Variants in FNDC3B observed in about 807,000 individuals in gnomAD.
The protein encoded by FNDC3B is fibronectin type III domain containing 3B.
FNDC3B carries 12 observed loss-of-function variants against 151.5 expected under a neutral mutation model. The observed-to-expected ratio is 0.08, with a 90% CI of 0.05 to 0.13. FNDC3B has a LOEUF of 0.13. Among genes scored for constraint, FNDC3B ranks in the 10% least tolerant of loss-of-function variants. The pLI, the probability that FNDC3B is intolerant of heterozygous loss-of-function variation, is 1.00. For missense variants in FNDC3B, 1,214 were observed against 1,505.3 expected (o/e 0.81, Z 3.20); for synonymous variants, 528 against 549.0 (o/e 0.96, Z 0.54).
At chr3:172,217,378 G>T (rs1488128385) in intron 3 of FNDC3B, among the ~76,000 whole-genome samples, 1 of 152,186 alleles carries the variant, frequency 6.6e-6, no homozygotes, top group Non-Finnish European at 1.5e-5. Flanking sequence ...CCAACTTTCT[G>T]TACCATTCAT....
At chr3:172,366,094 T>TA (rs1425767883) in intron 23 of FNDC3B, among the ~76,000 whole-genome samples, 44 of 152,254 alleles carry the variant, frequency 2.9e-4, no homozygotes, top group Admixed American at 2.7e-3. Context: ...CTGCTATTCA[T>TA]AAAAAAATAA....
At position 172,079,477 on chromosome 3, in the gene FNDC3B, G is replaced by T. The variant is rs116040322; in HGVS notation, c.-28-32975G>T. 1.1e-3 allele frequency among the ~76,000 whole-genome samples: 164 copies of T among 152,306 alleles called. 1 individual carries two copies. Among genetic ancestry groups the T allele is most frequent in the African/African-American group, 3.7e-3 (154 of 41,558 alleles). On this transcript the variant is annotated intron_variant, in intron 1 of 25. Coordinates refer to ENST00000415807, the MANE Select transcript of FNDC3B (RefSeq NM_022763.4). ...GAATTGGACAGATACAGACCCAAAAGACTTCAGATAATTGGAAAGAAATTT... is the reference window on the plus strand; with the variant it reads ...GAATTGGACAGATACAGACCCAAAATACTTCAGATAATTGGAAAGAAATTT...
At chr3:172,259,612 C>T (rs971258335) in intron 6 of FNDC3B, among the ~76,000 whole-genome samples, 1 of 152,060 alleles carries the variant, frequency 6.6e-6, no homozygotes, top group African/African-American at 2.4e-5. Flanking sequence ...TGATTTTTTT[C>T]CCTCTTACTG....
chr3:172,209,833 A>G (rs1239909633), intron 3 of FNDC3B, among the ~76,000 whole-genome samples: 1 of 152,214 alleles, frequency 6.6e-6, no homozygotes, highest in Non-Finnish European at 1.5e-5. Flanking sequence ...GCAGGCCCGC[A>G]CTGAACTGCC....
chr3:172,079,515 A>G (rs1718178486), intron 1 of FNDC3B, among the ~76,000 whole-genome samples: 1 of 152,242 alleles, frequency 6.6e-6, no homozygotes, highest in African/African-American at 2.4e-5. Flanking sequence ...CAACCAGGGC[A>G]TTTCTGCCAT....
At chr3:172,343,880 T>C (rs1160489339) in intron 18 of FNDC3B, among the ~76,000 whole-genome samples, 4 of 152,248 alleles carry the variant, frequency 2.6e-5, no homozygotes, top group African/African-American at 9.6e-5. Context: ...TAAACTTCAG[T>C]GGACCCGCTT....
intron 1 of FNDC3B, among the ~76,000 whole-genome samples, chr3:172,105,927 C>G (rs1719623981): frequency 1.3e-5 from 2 of 152,180 alleles, no homozygotes; most frequent in African/African-American, 4.8e-5. Context: ...AAGCATGTAG[C>G]AAGCAAAATG....
chr3:172,246,205 A>G (rs2108769093), intron 4 of FNDC3B, among the ~76,000 whole-genome samples: 2 of 151,970 alleles, frequency 1.3e-5, no homozygotes, highest in East Asian at 3.9e-4. Context: ...TTTTTTGTAA[A>G]ACAAAACTTC....
intron 3 of FNDC3B, among the ~76,000 whole-genome samples, chr3:172,180,622 C>T (rs1723840795): frequency 6.6e-6 from 1 of 152,098 alleles, no homozygotes; most frequent in African/African-American, 2.4e-5. Flanking sequence ...ATTTTGGCAA[C>T]TGATTAGATA....
At chr3:172,199,108 T>A (rs1409059270) in intron 3 of FNDC3B, among the ~76,000 whole-genome samples, 4 of 148,908 alleles carry the variant, frequency 2.7e-5, no homozygotes, top group Non-Finnish European at 4.5e-5. Flanking sequence ...GGATTATAGG[T>A]GTAAGCCACC....
intron 23 of FNDC3B, among the ~76,000 whole-genome samples, chr3:172,373,942 A>G (rs1319898182): frequency 6.6e-6 from 1 of 152,250 alleles, no homozygotes; most frequent in Non-Finnish European, 1.5e-5. Context: ...AGCAAGGGGA[A>G]CCAGACATTA....
chr3:172,251,386 C>T lies in FNDC3B; in HGVS notation c.635C>T (p.Ser212Phe). 6.2e-7 allele frequency: 1 copy of T among 1,614,108 alleles called. No homozygotes were observed. The highest frequency in any genetic ancestry group is 8.5e-7 in the Non-Finnish European group (1 of 1,180,014). ...RQNRLNSPPS[S>F]IYKSSCTTVY... Reference sequence around the variant, plus strand: ...AACCGCCTCAACAGCCCTCCTTCTTCTATCTACAAAAGCAGCTGCACAACA... The same window carrying T: ...AACCGCCTCAACAGCCCTCCTTCTTTTATCTACAAAAGCAGCTGCACAACA... Residue 212 changes from serine (S) to phenylalanine (F), a missense_variant, in exon 6 of 26, where the codon TCT becomes TTT. Coordinates refer to ENST00000415807, the MANE Select transcript of FNDC3B (RefSeq NM_022763.4).
chr3:172,208,789 G>A (rs1384168269), intron 3 of FNDC3B, among the ~76,000 whole-genome samples: 4 of 152,046 alleles, frequency 2.6e-5, no homozygotes, highest in Admixed American at 6.6e-5. Flanking sequence ...GTCACGGAGC[G>A]GCGAGGGGTG....
chr3:172,248,254 G>C (rs1256402807), intron 5 of FNDC3B, among the ~76,000 whole-genome samples: 1 of 152,090 alleles, frequency 6.6e-6, no homozygotes. Flanking sequence ...TTCCTAAAAG[G>C]CTCTATGTTG....
At chr3:172,140,358 ATTGGATTTACATGAAAT>A (rs1721564024) in intron 3 of FNDC3B, among the ~76,000 whole-genome samples, 1 of 152,144 alleles carries the variant, frequency 6.6e-6, no homozygotes, top group South Asian at 2.1e-4. Flanking sequence ...ATTTTCCATG[ATTGGATTTACATGAAAT>A]TTGGAGAAAG....
intron 25 of FNDC3B, among the ~76,000 whole-genome samples, chr3:172,390,210 T>TTG (rs1202848287): frequency 6.6e-6 from 1 of 152,202 alleles, no homozygotes; most frequent in East Asian, 1.9e-4. Flanking sequence ...AATGTTAACA[T>TTG]TGTGTTGGCA....
At chr3:172,224,999 G>A (rs955531837) in intron 3 of FNDC3B, among the ~76,000 whole-genome samples, 1 of 152,204 alleles carries the variant, frequency 6.6e-6, no homozygotes, top group African/African-American at 2.4e-5. Flanking sequence ...AGTTGATTTT[G>A]ATGTAACAAC....
chr3:172,324,607 G>A (rs1047060448), intron 11 of FNDC3B, among the ~76,000 whole-genome samples: 1 of 152,210 alleles, frequency 6.6e-6, no homozygotes, highest in African/African-American at 2.4e-5. Flanking sequence ...GGTCTGAGCT[G>A]CAGAAACAAG....
chr3:172,167,450 C>T (rs1213934590), intron 3 of FNDC3B, among the ~76,000 whole-genome samples: 1 of 152,186 alleles, frequency 6.6e-6, no homozygotes, highest in Admixed American at 6.5e-5. Context: ...CTGGTTCACC[C>T]TTGTGTCTTC....
Sources: gnomAD v4.1 joint callset for allele counts (sites outside exome capture counted in the v4.1 genomes callset) on GRCh38, gnomAD v4.1.1 for gene constraint, MANE v1.5 for transcripts, NCBI Gene and HGNC (gene_info 2026-07-23, HGNC 2026-07-21) for gene names.